Variants in CSMD1 observed in about 807,000 individuals in gnomAD.
The protein encoded by CSMD1 is CUB and sushi domain-containing protein 1.
CSMD1 carries 213 observed loss-of-function variants against 417.5 expected under a neutral mutation model. That is an observed-to-expected ratio of 0.51 (90% CI 0.46 to 0.57). The LOEUF (loss-of-function observed/expected upper bound fraction) is 0.57, where lower values mean the gene tolerates loss of function less well. Among genes scored for constraint, CSMD1 ranks in the 20% least tolerant of loss-of-function variants. The probability of loss-of-function intolerance (pLI) is 0.00; values close to 1 mark genes in which losing one functional copy is unlikely to be tolerated. For synonymous variants in CSMD1, 2,862 were observed against 1,736.8 expected, an observed-to-expected ratio of 1.65 and a Z score of -16.11; for missense variants, 6,923 against 4,529.7, an observed-to-expected ratio of 1.53 and a Z score of -15.17.
At chr8:4,264,264 A>C (rs1384132423) in intron 3 of CSMD1, among the ~76,000 whole-genome samples, 1 of 152,200 alleles carries the variant, frequency 6.6e-6, no homozygotes, top group Non-Finnish European at 1.5e-5. Context: ...GAATAGACTC[A>C]AACATTGCTA....
At chr8:4,569,968 T>C (rs763288403) in intron 2 of CSMD1, among the ~76,000 whole-genome samples, 1 of 152,230 alleles carries the variant, frequency 6.6e-6, no homozygotes, top group Non-Finnish European at 1.5e-5. Context: ...GGAATGCTTG[T>C]GATTTTTGCA....
chr8:3,156,203 G>C (rs1365843632), intron 39 of CSMD1, among the ~76,000 whole-genome samples: 1 of 152,124 alleles, frequency 6.6e-6, no homozygotes, highest in Non-Finnish European at 1.5e-5. Context: ...ACACCATTTG[G>C]CAGTATGGCA....
At position 2,966,556 on chromosome 8, in the gene CSMD1, G is replaced by A. The variant is rs562792926; in HGVS notation, c.9100+14C>T. On this transcript the variant is annotated intron_variant, in intron 58 of 69. Coordinates refer to ENST00000635120, the MANE Select transcript of CSMD1 (RefSeq NM_033225.6). ...TAGTAACGTCTGAGTCTACCATGAT[G>A]TCTGCTTACTAACTTGTGCAGTCGG... 3 of 1,608,952 alleles carry A rather than the reference G, an allele frequency of 1.9e-6. No homozygotes were observed. Among genetic ancestry groups the A allele is most frequent in the African/African-American group, 1.3e-5 (1 of 74,874 alleles).
intron 6 of CSMD1, among the ~76,000 whole-genome samples, chr8:3,728,912 CT>C (rs1802651739): frequency 6.6e-6 from 1 of 152,204 alleles, no homozygotes; most frequent in South Asian, 2.1e-4. Flanking sequence ...CTATCACCGA[CT>C]GCATTTTAAA....
intron 1 of CSMD1, among the ~76,000 whole-genome samples, chr8:4,988,414 GT>G (rs1811290910): frequency 6.6e-6 from 1 of 152,160 alleles, no homozygotes; most frequent in Non-Finnish European, 1.5e-5. Flanking sequence ...AAATGTATCA[GT>G]AAAATAAAAT....
chr8:3,199,835 C>G, intron 32 of CSMD1, 26 bp from the exon 33 acceptor site: 1 of 1,437,516 alleles, frequency 7.0e-7, no homozygotes. Context: ...GAGACAGATT[C>G]AGAAAACACA....
At chr8:4,081,673 T>G (rs1413920561) in intron 3 of CSMD1, among the ~76,000 whole-genome samples, 1 of 152,140 alleles carries the variant, frequency 6.6e-6, no homozygotes, top group Non-Finnish European at 1.5e-5. Flanking sequence ...ATGCAACAAT[T>G]CTCAATGAAG....
At chr8:4,115,712 A>T (rs534910561) in intron 3 of CSMD1, among the ~76,000 whole-genome samples, 21 of 152,280 alleles carry the variant, frequency 1.4e-4, no homozygotes, top group Admixed American at 4.6e-4. Context: ...GAGTGAATAA[A>T]CTGTGGGACA....
At chr8:4,090,554 A>G (rs778593431) in intron 3 of CSMD1, among the ~76,000 whole-genome samples, 4 of 152,232 alleles carry the variant, frequency 2.6e-5, no homozygotes, top group South Asian at 2.1e-4. Context: ...TCTTGCTTTT[A>G]CAACAGAAAC....
intron 8 of CSMD1, 65 bp downstream of exon 8, chr8:3,616,645 G>T: frequency 1.9e-6 from 2 of 1,044,568 alleles, no homozygotes; most frequent in Non-Finnish European, 1.5e-6. Flanking sequence ...AAATTTAACT[G>T]CAAGCTGAAA....
At chr8:3,943,539 G>T (rs907744683) in intron 5 of CSMD1, among the ~76,000 whole-genome samples, 2 of 150,728 alleles carry the variant, frequency 1.3e-5, no homozygotes, top group African/African-American at 4.9e-5. Flanking sequence ...GAGATTCAAA[G>T]AATCTCTCAA....
At chr8:4,837,056 G>C (rs922432998) in intron 1 of CSMD1, among the ~76,000 whole-genome samples, 1 of 150,648 alleles carries the variant, frequency 6.6e-6, no homozygotes, top group African/African-American at 2.5e-5. Flanking sequence ...CCACCCATAA[G>C]ACAGGGCTCT....
intron 2 of CSMD1, among the ~76,000 whole-genome samples, chr8:4,542,012 T>A (rs1352148254): frequency 6.6e-6 from 1 of 152,126 alleles, no homozygotes; most frequent in Admixed American, 6.5e-5. Context: ...CACACTCTGT[T>A]GCCAATTGAA....
At chr8:3,081,045 T>C (rs1412879417) in intron 49 of CSMD1, among the ~76,000 whole-genome samples, 2 of 152,248 alleles carry the variant, frequency 1.3e-5, no homozygotes, top group Admixed American at 1.3e-4. Flanking sequence ...TTAGTGATTT[T>C]ATAAATTTAA....
At chr8:3,968,441 C>T (rs1812842258) in intron 5 of CSMD1, among the ~76,000 whole-genome samples, 2 of 152,122 alleles carry the variant, frequency 1.3e-5, no homozygotes, top group Non-Finnish European at 2.9e-5. Context: ...ACTCAGCAAC[C>T]CACACAATGC....
chr8:3,929,031 G>C (rs972846238), intron 5 of CSMD1, among the ~76,000 whole-genome samples: 1 of 150,348 alleles, frequency 6.7e-6, no homozygotes, highest in Non-Finnish European at 1.5e-5. Flanking sequence ...GTAACTCTCA[G>C]GGCCATCAGC....
At chr8:4,746,367 G>C (rs747262271) in intron 1 of CSMD1, among the ~76,000 whole-genome samples, 6 of 152,158 alleles carry the variant, frequency 3.9e-5, no homozygotes, top group African/African-American at 1.4e-4. Context: ...GGTTTTAAGC[G>C]TTAGTCCTTT....
intron 11 of CSMD1, among the ~76,000 whole-genome samples, chr8:3,492,060 A>G (rs1818409357): frequency 6.6e-6 from 1 of 152,140 alleles, no homozygotes; most frequent in Admixed American, 6.6e-5. Context: ...AGTGAAGGAG[A>G]ACTTGTGAGT....
Position 4,592,092 on chromosome 8 carries a change from G to A in CSMD1, c.302+45250C>T, listed in dbSNP as rs926931820. 3.9e-5 allele frequency among the ~76,000 whole-genome samples: 6 copies of A among 152,198 alleles called. No homozygotes were observed. The East Asian group carries it at 1.2e-3, about 29-fold the overall frequency. On this transcript the variant is annotated intron_variant, in intron 2 of 69. Transcript: ENST00000635120. ...GACGTCTAACAGTAGGGACATGCTG[G>A]TAGATGTTTAACGAGCGGCTTTGCT...
Sources: allele counts gnomAD v4.1 joint callset (sites outside exome capture counted in the v4.1 genomes callset), GRCh38; gene constraint gnomAD v4.1.1; transcripts MANE v1.5; gene names NCBI Gene and HGNC (gene_info 2026-07-23, HGNC 2026-07-21).